Variants in MAGI2 observed in about 807,000 individuals in gnomAD.
MAGI2 encodes the protein membrane-associated guanylate kinase, WW and PDZ domain-containing protein 2.
A neutral mutation model predicts 133.3 loss-of-function variants in MAGI2; 35 were observed. The observed-to-expected ratio is 0.26, with a 90% CI of 0.20 to 0.35. MAGI2 has a LOEUF of 0.35. Among genes scored for constraint, MAGI2 ranks in the 10% least tolerant of loss-of-function variants. MAGI2 has a pLI of 1.00. For synonymous variants in MAGI2, 729 were observed against 710.6 expected (o/e 1.03, Z -0.41); for missense variants, 1,636 against 1,863.4 (o/e 0.88, Z 2.25).
intron 1 of MAGI2, among the ~76,000 whole-genome samples, chr7:79,376,549 T>C (rs1267139404): frequency 6.6e-6 from 1 of 151,744 alleles, no homozygotes; most frequent in Non-Finnish European, 1.5e-5. Context: ...ATGTCGATGG[T>C]TGGATTTCAG....
At chr7:79,415,864 T>G (rs1170793697) in intron 1 of MAGI2, among the ~76,000 whole-genome samples, 2 of 152,120 alleles carry the variant, frequency 1.3e-5, no homozygotes, top group African/African-American at 4.8e-5. Flanking sequence ...AACTTGCTGG[T>G]CTCTTCCACA....
At chr7:78,456,154 GCTTT>G (rs1359401406) in intron 6 of MAGI2, among the ~76,000 whole-genome samples, 1 of 151,450 alleles carries the variant, frequency 6.6e-6, no homozygotes, top group Non-Finnish European at 1.5e-5. Context: ...TCATAGTTCT[GCTTT>G]CTATTTTACC....
chr7:79,167,370 G>C (rs1253299627), intron 1 of MAGI2, among the ~76,000 whole-genome samples: 1 of 101,906 alleles, frequency 9.8e-6, no homozygotes, highest in African/African-American at 3.9e-5. Context: ...CTTAATATGA[G>C]AGTAAACTAA....
At position 78,928,761 on chromosome 7, in the gene MAGI2, A is replaced by C. The variant is rs1799897322; in HGVS notation, c.418+78329T>G. 2.6e-5 allele frequency among the ~76,000 whole-genome samples: 4 copies of C among 152,076 alleles called. 1 individual carries two copies. In the South Asian group the frequency reaches 8.3e-4, roughly 31 times the overall value. On this transcript the variant is annotated intron_variant, in intron 2 of 21. Transcript: ENST00000354212. ...AAATTTCTGCTTTAACAAGAAATGC[A>C]CCGGAGAGAACAGCAATGGTCATTA... is the stretch of plus-strand genomic sequence containing the variant.
At position 79,143,643 on chromosome 7, in the gene MAGI2, G is replaced by A. The variant is rs188379840; in HGVS notation, c.302-136437C>T. Among the ~76,000 whole-genome samples the A allele has an allele frequency of 2.0e-3, 310 of 152,272 alleles. 5 individuals are homozygous for A. The highest frequency in any genetic ancestry group is 1.1e-3 in the Non-Finnish European group (74 of 68,014). ...ACTTCAGGATAAATGGCCTAAAGCA[G>A]GAACCAGTGTATAATTGCTTTTAAG... On this transcript the variant is annotated intron_variant, in intron 1 of 21. Coordinates refer to ENST00000354212, the MANE Select transcript of MAGI2 (RefSeq NM_012301.4).
At chr7:78,978,370 A>G (rs1475012705) in intron 2 of MAGI2, among the ~76,000 whole-genome samples, 2 of 151,870 alleles carry the variant, frequency 1.3e-5, no homozygotes, top group Admixed American at 1.3e-4. Context: ...CACATGAAAG[A>G]CATGCATGAA....
intron 1 of MAGI2, among the ~76,000 whole-genome samples, chr7:79,208,257 A>G (rs1374362292): frequency 6.6e-6 from 1 of 151,966 alleles, no homozygotes; most frequent in African/African-American, 2.4e-5. Flanking sequence ...AACCTACAGA[A>G]TGGGAAAAAT....
chr7:79,355,669 T>A (rs887501647), intron 1 of MAGI2, among the ~76,000 whole-genome samples: 2 of 152,218 alleles, frequency 1.3e-5, no homozygotes, highest in African/African-American at 4.8e-5. Context: ...TTTGTTTTGT[T>A]TTCCTAAATC....
chr7:78,469,556 T>TA (rs373811824), intron 6 of MAGI2, among the ~76,000 whole-genome samples: 42 of 151,538 alleles, frequency 2.8e-4, no homozygotes, highest in East Asian at 1.2e-3. Context: ...TTAGCCCAGG[T>TA]AAAAAAAAAG....
intron 9 of MAGI2, among the ~76,000 whole-genome samples, chr7:78,296,048 G>A (rs1001646691): frequency 2.0e-5 from 3 of 151,930 alleles, no homozygotes; most frequent in Non-Finnish European, 4.4e-5. Context: ...CAGCTATAAC[G>A]CTCCCTTTCT....
chr7:79,292,102 A>C (rs1373992242), intron 1 of MAGI2, among the ~76,000 whole-genome samples: 1 of 152,174 alleles, frequency 6.6e-6, no homozygotes, highest in Admixed American at 6.5e-5. Context: ...GCAGGGGTCC[A>C]GCAGCTTCAT....
intron 1 of MAGI2, among the ~76,000 whole-genome samples, chr7:79,207,844 G>A (rs1294101817): frequency 1.3e-5 from 2 of 151,906 alleles, no homozygotes. Flanking sequence ...CAAACACGTA[G>A]ACCAATGAAA....
chr7:79,196,602 A>G (rs1321796368), intron 1 of MAGI2, among the ~76,000 whole-genome samples: 1 of 151,912 alleles, frequency 6.6e-6, no homozygotes, highest in Non-Finnish European at 1.5e-5. Context: ...TTAATAATCA[A>G]TGTTTATATC....
rs574736174 is a variant in MAGI2, at chr7:78,658,901, TAAAC to T, written c.419-31666_419-31663del. Among the ~76,000 whole-genome samples the T allele has an allele frequency of 1.4e-4, 22 of 152,240 alleles. 1 individual carries two copies. Among genetic ancestry groups the T allele is most frequent in the Middle Eastern group, 6.8e-3 (2 of 294 alleles). ...TATGGAAAACAAATTGATCGTTCTC[TAAAC>T]AAACAAACAAACAAAGTTAAACATA... On this transcript the variant is annotated intron_variant, in intron 2 of 21. Transcript: ENST00000354212.
chr7:78,426,340 A>T (rs1799270214), intron 6 of MAGI2, among the ~76,000 whole-genome samples: 1 of 152,210 alleles, frequency 6.6e-6, no homozygotes. Flanking sequence ...TATCATTCTC[A>T]GTAAACTATC....
chr7:78,217,553 A>T (rs80210500), intron 10 of MAGI2, among the ~76,000 whole-genome samples: 1 of 152,184 alleles, frequency 6.6e-6, no homozygotes, highest in Non-Finnish European at 1.5e-5. Context: ...ATCTGTGTGA[A>T]GGAGGCAGGA....
chr7:78,042,706 G>A (rs1810983653), intron 21 of MAGI2, among the ~76,000 whole-genome samples: 1 of 152,226 alleles, frequency 6.6e-6, no homozygotes, highest in Admixed American at 6.5e-5. Flanking sequence ...AGAAGTAAAT[G>A]CTCTTGTTAT....
At chr7:79,248,843 C>CATTTTATTTTATTTTATTTT (rs59420661) in intron 1 of MAGI2, among the ~76,000 whole-genome samples, 1 of 149,676 alleles carries the variant, frequency 6.7e-6, no homozygotes, top group African/African-American at 2.5e-5. Flanking sequence ...ATATTAAAAC[C>CATTTTATTTTATTTTATTTT]ATTTTATTTT....
At chr7:79,226,537 T>G (rs902417129) in intron 1 of MAGI2, among the ~76,000 whole-genome samples, 2 of 152,170 alleles carry the variant, frequency 1.3e-5, no homozygotes, top group South Asian at 2.1e-4. Flanking sequence ...GGAATTAAAA[T>G]TAAATAAAAT....
Sources: allele counts gnomAD v4.1 joint callset (sites outside exome capture counted in the v4.1 genomes callset), GRCh38; gene constraint gnomAD v4.1.1; transcripts MANE v1.5; gene names NCBI Gene and HGNC (gene_info 2026-07-23, HGNC 2026-07-21).